Variants in PLXNA2 observed in about 807,000 individuals in gnomAD.
PLXNA2 encodes plexin A2.
PLXNA2 carries 91 observed loss-of-function variants against 193.5 expected under a neutral mutation model. The ratio of observed to expected loss-of-function variants is 0.47; its 90% CI spans 0.40 to 0.56. The LOEUF is 0.56. PLXNA2 is among the 20% of genes least tolerant of loss of function. The pLI is 0.00. For synonymous variants in PLXNA2, 997 were observed against 1,027.3 expected, an observed-to-expected ratio of 0.97 and a Z score of 0.56; for missense variants, 1,995 against 2,503.2, an observed-to-expected ratio of 0.80 and a Z score of 4.33.
chr1:208,119,623 T>C (rs117902267), intron 4 of PLXNA2, among the ~76,000 whole-genome samples: 1,755 of 152,280 alleles, frequency 0.012, 53 homozygotes, highest in East Asian at 0.091. Flanking sequence ...TTATTTTATT[T>C]TATTGAGACA....
At chr1:208,148,723 G>A (rs940588423) in intron 3 of PLXNA2, among the ~76,000 whole-genome samples, 7 of 152,162 alleles carry the variant, frequency 4.6e-5, no homozygotes, top group Admixed American at 6.5e-5. Context: ...GAACACAGGG[G>A]TCACCCCTTG....
intron 4 of PLXNA2, among the ~76,000 whole-genome samples, chr1:208,105,018 A>C (rs1159785331): frequency 6.6e-6 from 1 of 152,170 alleles, no homozygotes; most frequent in African/African-American, 2.4e-5. Flanking sequence ...ATAACGAAAG[A>C]AGCTAATCTG....
At chr1:208,190,131 G>C (rs1337090799) in intron 3 of PLXNA2, among the ~76,000 whole-genome samples, 1 of 152,186 alleles carries the variant, frequency 6.6e-6, no homozygotes, top group African/African-American at 2.4e-5. Flanking sequence ...ATGGTAGACT[G>C]GGAGAGAAGG....
intron 3 of PLXNA2, among the ~76,000 whole-genome samples, chr1:208,173,911 C>T (rs1267351041): frequency 6.6e-6 from 1 of 152,232 alleles, no homozygotes; most frequent in South Asian, 2.1e-4. Flanking sequence ...TCCTCTGCCC[C>T]TCCTGGGAAT....
intron 3 of PLXNA2, among the ~76,000 whole-genome samples, chr1:208,172,618 T>A (rs966732784): frequency 6.6e-6 from 1 of 152,096 alleles, no homozygotes; most frequent in Non-Finnish European, 1.5e-5. Flanking sequence ...GTGGCAACTA[T>A]CCCAAGGAAG....
In PLXNA2 at chr1:208,042,138, T is replaced by C. The variant is rs1304044838; in HGVS notation, c.4246A>G (p.Asn1416Asp). 1 of 1,614,172 alleles carries C rather than the reference T, an allele frequency of 6.2e-7. No individual in the cohort carries two copies. Among genetic ancestry groups the C allele is most frequent in the South Asian group, 1.1e-5 (1 of 91,082 alleles). Residue 1416 changes from asparagine to aspartate, a missense_variant, in exon 22 of 32, where the codon AAC becomes GAC. Coordinates refer to ENST00000367033, the MANE Select transcript of PLXNA2 (RefSeq NM_025179.4). ...KQLLSDLIDK[N>D]LENKNHPKLL... Reference sequence around the variant, plus strand: ...TTGGGGTGGTTCTTGTTCTCCAGGTTCTTATCGATGAGGTCAGAGAGCAGC... The same window carrying C: ...TTGGGGTGGTTCTTGTTCTCCAGGTCCTTATCGATGAGGTCAGAGAGCAGC...
At chr1:208,226,198 T>C (rs1365712925) in intron 1 of PLXNA2, among the ~76,000 whole-genome samples, 1 of 152,200 alleles carries the variant, frequency 6.6e-6, no homozygotes, top group Non-Finnish European at 1.5e-5. Flanking sequence ...GAGTGGACCC[T>C]ACCCTTTTTT....
chr1:208,159,643 C>T (rs1000319470), intron 3 of PLXNA2, among the ~76,000 whole-genome samples: 1 of 152,256 alleles, frequency 6.6e-6, no homozygotes, highest in Non-Finnish European at 1.5e-5. Flanking sequence ...TCTGGTGCTA[C>T]CGTGACGCCC....
chr1:208,038,686 C>T lies in PLXNA2; in HGVS notation c.4660+139G>A, dbSNP rs574190109. ...GAGACAGCCACATCTGAACAGGCAGCGCTCAAAGCGGGAAGCATTTCACAC... is the reference window on the plus strand; with the variant it reads ...GAGACAGCCACATCTGAACAGGCAGTGCTCAAAGCGGGAAGCATTTCACAC... On this transcript the variant is annotated intron_variant, in intron 25 of 31. Transcript: ENST00000367033. The surrounding 1 kb of genome is among the most constrained non-coding windows in gnomAD (Gnocchi z 4.1). 43 of 928,070 alleles carry T rather than the reference C, an allele frequency of 4.6e-5. No individual in the cohort carries two copies. Among genetic ancestry groups the T allele is most frequent in the Non-Finnish European group, 4.5e-5 (27 of 593,872 alleles). The allele number at this position is 928,070 out of a possible 1,614,324, so 57.5% of individuals were successfully genotyped here. A position where few individuals can be genotyped will look rare whatever the true frequency, so the allele number is the denominator to read the frequency against.
chr1:208,034,521 G>C lies in PLXNA2; in HGVS notation c.4836C>G (p.Ser1612Arg), dbSNP rs947658877. Residue 1612 changes from serine to arginine, a missense_variant, in exon 27 of 32, where the codon AGC becomes AGG. Physicochemically the swap from Ser to Arg is moderately radical, Grantham distance 110 (BLOSUM62 -1). Coordinates refer to ENST00000367033, the MANE Select transcript of PLXNA2 (RefSeq NM_025179.4). The part of the protein sequence containing the change: ...TSSYNIPASA[S>R]ISRTSISRYD... ...ATCTGCTGATGGACGTCCGGGAGAT[G>C]CTGGCAGAGGCAGGGATGTTGTAGG... The C allele has an allele frequency of 6.2e-7, 1 of 1,613,802 alleles. No individual in the cohort carries two copies. The highest frequency in any genetic ancestry group is 8.5e-7 in the Non-Finnish European group (1 of 1,179,698).
chr1:208,023,171 C>T lies in PLXNA2; in HGVS notation c.*4072G>A, dbSNP rs192278574. On this transcript the variant is annotated 3_prime_UTR_variant, in exon 32 of 32. Coordinates refer to ENST00000367033, the MANE Select transcript of PLXNA2 (RefSeq NM_025179.4). Reference sequence around the variant, plus strand: ...CTCCCACAGCCCTGTGTCTGTGAAGCCACTTTGCATTTTCTCACCCACTGA... The same window carrying T: ...CTCCCACAGCCCTGTGTCTGTGAAGTCACTTTGCATTTTCTCACCCACTGA... 803 of 152,342 alleles carry T rather than the reference C, an allele frequency of 5.3e-3. 2 individuals carry two copies. The highest frequency in any genetic ancestry group is 0.01 in the Middle Eastern group (3 of 294). The allele number at this position is 152,342 out of a possible 1,614,324, so 9.4% of individuals were successfully genotyped here. A position where few individuals can be genotyped will look rare whatever the true frequency, so the allele number is the denominator to read the frequency against.
At chr1:208,030,519 C>A in intron 29 of PLXNA2, 2 of 985,402 alleles carry the variant, frequency 2.0e-6, no homozygotes, top group Non-Finnish European at 2.4e-6. Context: ...CCCAGGGCCA[C>A]CCCAGCCTGT....
chr1:208,116,420 C>T (rs934492790), intron 4 of PLXNA2, among the ~76,000 whole-genome samples: 1 of 152,184 alleles, frequency 6.6e-6, no homozygotes, highest in Non-Finnish European at 1.5e-5. Context: ...ATTATACTTG[C>T]CCAATGATCC....
At chr1:208,185,014 A>G (rs1075848) in intron 3 of PLXNA2, among the ~76,000 whole-genome samples, 55,479 of 152,052 alleles carry the variant, frequency 0.36, 10,230 homozygotes, top group Middle Eastern at 0.42. Context: ...GGCATGGAGC[A>G]CTCAGCCCTC....
chr1:208,096,746 G>A lies in PLXNA2; in HGVS notation c.1869C>T (p.Val623=), dbSNP rs1292451745. 6.2e-7 allele frequency: 1 copy of A among 1,614,056 alleles called. No individual in the cohort carries two copies. Among genetic ancestry groups the A allele is most frequent in the Non-Finnish European group, 8.5e-7 (1 of 1,180,050 alleles). The part of the protein sequence containing the change: ...CISPGPKDVP[V]IPLDQDWFGL... Reference sequence around the variant, plus strand: ...ATTTCTTACCTTGATCCAGCGGGATGACAGGGACATCCTTGGGCCCAGGTG... The same window carrying A: ...ATTTCTTACCTTGATCCAGCGGGATAACAGGGACATCCTTGGGCCCAGGTG... Residue 623 remains valine, a synonymous_variant, in exon 7 of 32, where the codon GTC becomes GTT. Coordinates refer to ENST00000367033, the MANE Select transcript of PLXNA2 (RefSeq NM_025179.4).
chr1:208,163,982 C>T (rs964556716), intron 3 of PLXNA2, among the ~76,000 whole-genome samples: 1 of 152,232 alleles, frequency 6.6e-6, no homozygotes, highest in Admixed American at 6.5e-5. Context: ...GCCGCTTCCC[C>T]CCATGGAGCA....
chr1:208,032,516 G>C (rs1460380684), intron 28 of PLXNA2, among the ~76,000 whole-genome samples: 2 of 152,256 alleles, frequency 1.3e-5, no homozygotes, highest in African/African-American at 4.8e-5. Context: ...GAGCAAGTGT[G>C]AGAGCTGTAA....
At chr1:208,195,087 G>A (rs887869980) in intron 3 of PLXNA2, among the ~76,000 whole-genome samples, 1 of 152,174 alleles carries the variant, frequency 6.6e-6, no homozygotes, top group African/African-American at 2.4e-5. Flanking sequence ...GTAGGGGTGG[G>A]TGTCACAAGA....
chr1:208,105,724 C>G (rs12749608), intron 4 of PLXNA2, among the ~76,000 whole-genome samples: 90,601 of 151,998 alleles, frequency 0.6, 27,398 homozygotes, highest in East Asian at 0.68. Flanking sequence ...TAACAGAGAC[C>G]CTGGCTGCCT....
Sources: allele counts gnomAD v4.1 joint callset (sites outside exome capture counted in the v4.1 genomes callset), GRCh38; gene constraint gnomAD v4.1.1; non-coding constraint Gnocchi (gnomAD v3.1); transcripts MANE v1.5; gene names NCBI Gene and HGNC (gene_info 2026-07-23, HGNC 2026-07-21).